Variants in UVRAG observed in about 807,000 individuals in gnomAD.
UVRAG encodes the protein UV radiation resistance-associated gene protein.
UVRAG carries 19 observed loss-of-function variants against 78.0 expected under a neutral mutation model. That is an observed-to-expected ratio of 0.24 (90% CI 0.17 to 0.36). The LOEUF (loss-of-function observed/expected upper bound fraction) is 0.36. Among genes scored for constraint, UVRAG ranks in the 10% least tolerant of loss-of-function variants. The probability of loss-of-function intolerance (pLI) is 1.00; values close to 1 mark genes in which losing one functional copy is unlikely to be tolerated. For missense variants in UVRAG, 740 were observed against 853.8 expected (o/e 0.87, Z 1.66); for synonymous variants, 323 against 324.6 (o/e 1.00, Z 0.05).
intron 8 of UVRAG, among the ~76,000 whole-genome samples, chr11:76,000,842 A>G (rs1280652411): frequency 6.6e-6 from 1 of 152,228 alleles, no homozygotes; most frequent in Admixed American, 6.5e-5. Context: ...ATGTGTGAAC[A>G]TAGCAATATT....
chr11:75,858,145 TA>T (rs1263025390), intron 2 of UVRAG, among the ~76,000 whole-genome samples: 28 of 146,442 alleles, frequency 1.9e-4, no homozygotes, highest in South Asian at 8.4e-4. Flanking sequence ...TTTTAATAGG[TA>T]AAAAAAAATA....
At chr11:76,083,005 TGGGTGACA>T (rs1415433816) in intron 13 of UVRAG, among the ~76,000 whole-genome samples, 1 of 152,200 alleles carries the variant, frequency 6.6e-6, no homozygotes, top group Non-Finnish European at 1.5e-5. Flanking sequence ...CACTCCAGCC[TGGGTGACA>T]GAGACCGTGT....
intron 6 of UVRAG, among the ~76,000 whole-genome samples, chr11:75,938,961 C>G (rs1380546298): frequency 1.3e-5 from 2 of 152,108 alleles, no homozygotes; most frequent in Non-Finnish European, 2.9e-5. Flanking sequence ...ACTCTGAAGC[C>G]TGGAAACTTT....
intron 5 of UVRAG, among the ~76,000 whole-genome samples, chr11:75,899,759 G>A (rs779289122): frequency 1.2e-4 from 18 of 152,204 alleles, no homozygotes; most frequent in Non-Finnish European, 2.1e-4. Context: ...ACTTTGAACA[G>A]TATCAAAGTG....
chr11:76,101,766 A>C (rs760216955), intron 13 of UVRAG, among the ~76,000 whole-genome samples: 2 of 152,200 alleles, frequency 1.3e-5, no homozygotes, highest in Non-Finnish European at 2.9e-5. Context: ...GTATGGCATA[A>C]GGAAGGGGGT....
chr11:76,091,178 T>G (rs1951689551), intron 13 of UVRAG, among the ~76,000 whole-genome samples: 1 of 152,224 alleles, frequency 6.6e-6, no homozygotes, highest in Non-Finnish European at 1.5e-5. Flanking sequence ...GATTTTGAAA[T>G]CATTGTTCTA....
chr11:75,883,332 C>T (rs1485041365), intron 4 of UVRAG, among the ~76,000 whole-genome samples: 2 of 133,034 alleles, frequency 1.5e-5, no homozygotes, highest in African/African-American at 5.8e-5. Context: ...ATTCAGGTGT[C>T]TTCATATAAA....
chr11:76,007,459 A>G, intron 9 of UVRAG, 75 bp from the exon 10 acceptor site: 2 of 1,163,354 alleles, frequency 1.7e-6, no homozygotes, highest in Non-Finnish European at 2.5e-6. Flanking sequence ...CTTTGGATTA[A>G]TTGTGTGGAA....
intron 3 of UVRAG, among the ~76,000 whole-genome samples, chr11:75,877,902 T>A (rs1473934415): frequency 1.9e-4 from 19 of 99,276 alleles, no homozygotes; most frequent in African/African-American, 7.8e-4. Context: ...GCGGCTGGCC[T>A]GGCGGGGGGC....
At chr11:75,828,444 TAAAA>T (rs113226743) in intron 1 of UVRAG, among the ~76,000 whole-genome samples, 1 of 115,018 alleles carries the variant, frequency 8.7e-6, no homozygotes. Flanking sequence ...CCCCCATCTC[TAAAA>T]AAAAAAAAAA....
chr11:76,037,242 A>G (rs541974233), intron 12 of UVRAG, among the ~76,000 whole-genome samples: 8 of 152,322 alleles, frequency 5.3e-5, no homozygotes, highest in Admixed American at 4.6e-4. Context: ...TGCAAGCTGA[A>G]TCTGGCAATT....
intron 5 of UVRAG, chr11:75,892,202 G>T (rs558961270): frequency 2.7e-6 from 1 of 369,136 alleles, no homozygotes; most frequent in Non-Finnish European, 3.7e-6. Context: ...TGATTGGAGA[G>T]AACCTGGAAA....
intron 13 of UVRAG, among the ~76,000 whole-genome samples, chr11:76,105,856 C>T (rs1231798059): frequency 6.6e-6 from 1 of 152,168 alleles, no homozygotes; most frequent in Non-Finnish European, 1.5e-5. Flanking sequence ...GATAACAGTA[C>T]ACAGCAACTG....
chr11:75,904,568 T>C (rs1392098569), intron 5 of UVRAG, among the ~76,000 whole-genome samples: 1 of 152,182 alleles, frequency 6.6e-6, no homozygotes, highest in African/African-American at 2.4e-5. Context: ...TTGCCTTAAA[T>C]GTACATGGAC....
intron 12 of UVRAG, among the ~76,000 whole-genome samples, chr11:76,064,210 A>G (rs901557463): frequency 6.6e-6 from 1 of 152,236 alleles, no homozygotes; most frequent in African/African-American, 2.4e-5. Context: ...CCTTGAAAAT[A>G]GAGATAGCTA....
At chr11:75,882,503 ACT>A (rs147975078) in intron 4 of UVRAG, among the ~76,000 whole-genome samples, 4,537 of 151,122 alleles carry the variant, frequency 0.03, 112 homozygotes, top group Non-Finnish European at 0.047. Flanking sequence ...ACAGAGTGAG[ACT>A]CTATCTCAAA....
intron 13 of UVRAG, among the ~76,000 whole-genome samples, chr11:76,072,445 A>G (rs945958374): frequency 6.6e-6 from 1 of 152,196 alleles, no homozygotes; most frequent in Non-Finnish European, 1.5e-5. Flanking sequence ...ATATCAAGGC[A>G]TGTTTATGCT....
chr11:75,830,430 C>T (rs140104030), intron 1 of UVRAG, among the ~76,000 whole-genome samples: 1,544 of 152,068 alleles, frequency 0.01, 22 homozygotes, highest in African/African-American at 0.035. Context: ...CCACCATGCC[C>T]GGCTAACTTT....
intron 11 of UVRAG, among the ~76,000 whole-genome samples, chr11:76,010,654 A>G (rs1019682456): frequency 5.3e-5 from 8 of 152,202 alleles, no homozygotes; most frequent in African/African-American, 1.4e-4. Context: ...TTCTTATAAG[A>G]TATCTATATC....
Sources: allele counts gnomAD v4.1 joint callset (sites outside exome capture counted in the v4.1 genomes callset), GRCh38; gene constraint gnomAD v4.1.1; transcripts MANE v1.5; gene names NCBI Gene and HGNC (gene_info 2026-07-23, HGNC 2026-07-21).